The following PIGM variants were observed in gnomAD, a reference collection of about 807,000 sequenced individuals.
The protein encoded by PIGM is phosphatidylinositol glycan anchor biosynthesis class M, also known as GPI alpha-1,4-mannosyltransferase I, catalytic subunit.
A neutral mutation model predicts 14.6 loss-of-function variants in PIGM; 7 were observed. The observed-to-expected ratio is 0.48, with a 90% confidence interval of 0.27 to 0.90. PIGM has a LOEUF of 0.90. PIGM is among the 40% of genes least tolerant of loss of function. PIGM has a pLI of 0.12. For missense variants in PIGM, 506 were observed against 516.2 expected, an observed-to-expected ratio of 0.98 and a Z score of 0.19; for synonymous variants, 216 against 215.9, an observed-to-expected ratio of 1.00 and a Z score of 0.00.
Position 160,030,528 on chromosome 1 carries a change from C to T in PIGM, c.1212G>A (p.Leu404=). Residue 404 remains leucine (L), a synonymous_variant, in exon 1 of 1, where the codon CTG becomes CTA. Coordinates refer to ENST00000368090, the MANE Select transcript of PIGM (RefSeq NM_145167.3). ...LFFLLINCSI[L]IQIISHYKEE... is the part of the protein sequence containing the mutation. ...CTTTGTAATGGGAAATAATTTGAATCAGGATGGAACAATTGATAAGAAGAA... is the reference window on the plus strand; with the variant it reads ...CTTTGTAATGGGAAATAATTTGAATTAGGATGGAACAATTGATAAGAAGAA... The T allele has an allele frequency of 1.2e-6, 2 of 1,613,816 alleles. No homozygotes were observed. Among genetic ancestry groups the T allele is most frequent in the South Asian group, 1.1e-5 (1 of 91,036 alleles).
chr1:160,031,849 G>A lies in PIGM; in HGVS notation c.-110C>T. ...GGCCGCCGCATCTCCCACCCGCCAG[G>A]CTGCCAACCGAAACGACTGCAGACT... is the stretch of plus-strand genomic sequence containing the variant. On this transcript the variant is annotated 5_prime_UTR_variant, in exon 1 of 1. Transcript: ENST00000368090. 5 of 1,307,118 alleles carry A rather than the reference G, an allele frequency of 3.8e-6. No individual in the cohort carries two copies. Among genetic ancestry groups the A allele is most frequent in the South Asian group, 1.2e-5 (1 of 81,466 alleles). The allele number at this position is 1,307,118 out of a possible 1,614,324, so 81.0% of individuals were successfully genotyped here. A position where few individuals can be genotyped will look rare whatever the true frequency, so the allele number is the denominator to read the frequency against.
At position 160,031,178 on chromosome 1, in the gene PIGM, G is replaced by C; in HGVS notation, c.562C>G (p.Leu188Val). Reference protein sequence around the residue: ...HMKIYPVTYILPITLHLLPDR... With the variant: ...HMKIYPVTYIVPITLHLLPDR... The stretch of plus-strand genomic sequence containing the variant: ...GGAAGCAGGTGGAGGGTTATGGGAA[G>C]GATGTAAGTCACTGGATATATCTTC... The change falls in exon 1 of 1, where the codon CTT becomes GTT. Residue 188 changes from leucine (L) to valine (V), a missense_variant. Leu to Val is a conservative substitution (Grantham distance 32). Transcript: ENST00000368090. 1 of 1,614,174 alleles carries C rather than the reference G, an allele frequency of 6.2e-7. No homozygotes were observed. Among genetic ancestry groups the C allele is most frequent in the Non-Finnish European group, 8.5e-7 (1 of 1,180,036 alleles).
In PIGM at chr1:160,031,751, G is replaced by A. The variant is rs1310650110; in HGVS notation, c.-12C>T. On this transcript the variant is annotated 5_prime_UTR_variant, in exon 1 of 1. Coordinates refer to ENST00000368090, the MANE Select transcript of PIGM (RefSeq NM_145167.3). ...TTGGTGGAGCCCATGATCTGACCGT[G>A]CGACAGCTGCTTAGCCCCAGCTCCA... 2 of 1,613,850 alleles carry A rather than the reference G, an allele frequency of 1.2e-6. No individual in the cohort carries two copies. The highest frequency in any genetic ancestry group is 1.7e-6 in the Non-Finnish European group (2 of 1,180,026).
In PIGM at chr1:160,030,707, G is replaced by A; in HGVS notation, c.1033C>T (p.Leu345Phe). 1 of 1,614,134 alleles carries A rather than the reference G, an allele frequency of 6.2e-7. No individual in the cohort carries two copies. Reference sequence around the variant, plus strand: ...GGCATTCTGACTAGTGGCATCACAAGAGGCAGTAAGCAGAGGTACCAAAGA... The same window carrying A: ...GGCATTCTGACTAGTGGCATCACAAAAGGCAGTAAGCAGAGGTACCAAAGA... Reference protein sequence around the residue: ...YFLWYLCLLPLVMPLVRMPWK... With the variant: ...YFLWYLCLLPFVMPLVRMPWK... Residue 345 changes from leucine to phenylalanine, a missense_variant, in exon 1 of 1, where the codon CTT becomes TTT. Physicochemically the swap from Leu to Phe is conservative, Grantham distance 22 (BLOSUM62 0). Coordinates refer to ENST00000368090, the MANE Select transcript of PIGM (RefSeq NM_145167.3).
At position 160,030,522 on chromosome 1, in the gene PIGM, T is replaced by C; in HGVS notation, c.1218A>G (p.Gln406=). The change falls in exon 1 of 1, where the codon CAA becomes CAG. Residue 406 remains glutamine, a synonymous_variant. Transcript: ENST00000368090. ...GTTCTTCTTTGTAATGGGAAATAAT[T>C]TGAATCAGGATGGAACAATTGATAA... ...FLLINCSILI[Q]IISHYKEEPL... is the part of the protein sequence containing the mutation. 2 of 1,613,810 alleles carry C rather than the reference T, an allele frequency of 1.2e-6. No homozygotes were observed. The highest frequency in any genetic ancestry group is 1.7e-6 in the Non-Finnish European group (2 of 1,179,688).
Position 160,031,321 on chromosome 1 carries a change from A to C in PIGM, c.419T>G (p.Val140Gly), listed in dbSNP as rs761585642. Residue 140 changes from valine (V) to glycine (G), a missense_variant, in exon 1 of 1, where the codon GTA (valine) becomes GGA (glycine). Physicochemically the swap from Val to Gly is moderately radical, Grantham distance 109. Coordinates refer to ENST00000368090, the MANE Select transcript of PIGM (RefSeq NM_145167.3). ...FWLLNPLPMA[V>G]SSRGNADSIV... ...AGAGTCCGCATTACCGCGGCTGGAT[A>C]CTGCCATAGGCAGGGGGTTAAGAAG... 2 of 1,613,674 alleles carry C rather than the reference A, an allele frequency of 1.2e-6. No individual in the cohort carries two copies. The highest frequency in any genetic ancestry group is 1.7e-6 in the Non-Finnish European group (2 of 1,179,784).
rs1482695054 is a variant in PIGM at position 160,029,228 on chromosome 1, T to C, written c.*1240A>G. On this transcript the variant is annotated 3_prime_UTR_variant, in exon 1 of 1. Coordinates refer to ENST00000368090, the MANE Select transcript of PIGM (RefSeq NM_145167.3). ...ACCACAAACATTAAAGGCAAGATGA[T>C]AGTTTTAAAAATGTAATAACTCAAG... 1 of 152,162 alleles carries C rather than the reference T, an allele frequency of 6.6e-6. No homozygotes were observed. Among genetic ancestry groups the C allele is most frequent in the Non-Finnish European group, 1.5e-5 (1 of 68,034 alleles). 9.4% of individuals were successfully genotyped at this position (152,162 alleles called of 1,614,324 possible).
At position 160,031,214 on chromosome 1, in the gene PIGM, C is replaced by G. The variant is rs1262603255; in HGVS notation, c.526G>C (p.Ala176Pro). The change falls in exon 1 of 1, where the codon GCG (alanine) becomes CCG (proline). Residue 176 changes from alanine to proline, a missense_variant. Ala to Pro is a conservative substitution (Grantham distance 27). Transcript: ENST00000368090. ...VACAAVFYGF[A>P]VHMKIYPVTY... ...ACTGGATATATCTTCATATGCACCGCGAAACCATAGAATACAGCTGCACAC... is the reference window on the plus strand; with the variant it reads ...ACTGGATATATCTTCATATGCACCGGGAAACCATAGAATACAGCTGCACAC... 14 of 1,613,978 alleles carry G rather than the reference C, an allele frequency of 8.7e-6. No individual in the cohort carries two copies. The highest frequency in any genetic ancestry group is 1.2e-5 in the Non-Finnish European group (14 of 1,180,038).
In PIGM at chr1:160,027,990, A is replaced by C. The variant is rs1035298370; in HGVS notation, c.*2478T>G. Reference sequence around the variant, plus strand: ...TGTTTCTAACTTCTAAGAATGTCCTAAGAGAATGAGCTAAAACACAGAAAA... The same window carrying C: ...TGTTTCTAACTTCTAAGAATGTCCTCAGAGAATGAGCTAAAACACAGAAAA... On this transcript the variant is annotated 3_prime_UTR_variant, in exon 1 of 1. Transcript: ENST00000368090. 6 of 152,192 alleles carry C rather than the reference A, an allele frequency of 3.9e-5. No individual in the cohort carries two copies. Among genetic ancestry groups the C allele is most frequent in the Non-Finnish European group, 7.3e-5 (5 of 68,028 alleles). The allele number at this position is 152,192 out of a possible 1,614,324, so 9.4% of individuals were successfully genotyped here.
Position 160,031,174 on chromosome 1 carries a change from G to A in PIGM, c.566C>T (p.Pro189Leu), listed in dbSNP as rs372869108. The A allele has an allele frequency of 1.4e-5, 23 of 1,614,170 alleles. No homozygotes were observed. The highest frequency in any genetic ancestry group is 1.9e-5 in the Non-Finnish European group (23 of 1,180,024). ...ATCTGGAAGCAGGTGGAGGGTTATG[G>A]GAAGGATGTAAGTCACTGGATATAT... ...MKIYPVTYIL[P>L]ITLHLLPDRD... The change falls in exon 1 of 1, where the codon CCC (proline) becomes CTC (leucine). Residue 189 changes from proline to leucine, a missense_variant. Coordinates refer to ENST00000368090, the MANE Select transcript of PIGM (RefSeq NM_145167.3).
At position 160,030,233 on chromosome 1, in the gene PIGM, T is replaced by G; in HGVS notation, c.*235A>C. 1 of 475,606 alleles carries G rather than the reference T, an allele frequency of 2.1e-6. No individual in the cohort carries two copies. Among genetic ancestry groups the G allele is most frequent in the Non-Finnish European group, 3.8e-6 (1 of 259,934 alleles). The allele number at this position is 475,606 out of a possible 1,614,324, so 29.5% of individuals were successfully genotyped here. On this transcript the variant is annotated 3_prime_UTR_variant, in exon 1 of 1. Coordinates refer to ENST00000368090, the MANE Select transcript of PIGM (RefSeq NM_145167.3). ...ATCAGCCTTTCCATTTTCCAATATGTGACCTTTATTCCCACCATGTCCCAA... is the reference window on the plus strand; with the variant it reads ...ATCAGCCTTTCCATTTTCCAATATGGGACCTTTATTCCCACCATGTCCCAA...
rs980912142 is a variant in PIGM, at chr1:160,026,792, C to A, written c.*3676G>T. On this transcript the variant is annotated 3_prime_UTR_variant, in exon 1 of 1. Coordinates refer to ENST00000368090, the MANE Select transcript of PIGM (RefSeq NM_145167.3). Reference sequence around the variant, plus strand: ...AGTGAGCCATGTTTATACTACTGCACTCCAGCCTGGGTGACAAAGCAACAT... The same window carrying A: ...AGTGAGCCATGTTTATACTACTGCAATCCAGCCTGGGTGACAAAGCAACAT... The A allele has an allele frequency of 1.3e-5, 2 of 152,092 alleles. No individual in the cohort carries two copies. The highest frequency in any genetic ancestry group is 4.8e-5 in the African/African-American group (2 of 41,416). 9.4% of individuals were successfully genotyped at this position (152,092 alleles called of 1,614,324 possible). A position where few individuals can be genotyped will look rare whatever the true frequency, so the allele number is the denominator to read the frequency against.
In PIGM at chr1:160,030,551, G is replaced by GA; in HGVS notation, c.1188dup (p.Leu397SerfsTer27). ...ATCAGGATGGAACAATTGATAAGAA[G>GA]AAAGAACAAACCAGCTAACCAAATA... On this transcript the variant is annotated frameshift_variant, in exon 1 of 1. Coordinates refer to ENST00000368090, the MANE Select transcript of PIGM (RefSeq NM_145167.3). LOFTEE classifies it high-confidence loss of function. 1 of 1,613,982 alleles carries GA rather than the reference G, an allele frequency of 6.2e-7. No homozygotes were observed. The highest frequency in any genetic ancestry group is 8.5e-7 in the Non-Finnish European group (1 of 1,179,854).
chr1:160,031,619 G>C lies in PIGM; in HGVS notation c.121C>G (p.Arg41Gly), dbSNP rs1370444454. 6.2e-7 allele frequency: 1 copy of C among 1,614,110 alleles called. No homozygotes were observed. Among genetic ancestry groups the C allele is most frequent in the Non-Finnish European group, 8.5e-7 (1 of 1,180,016 alleles). ...ALVFYGVFQD[R>G]TLHVRYTDID... ...TCCGTATACCTCACGTGCAGGGTCC[G>C]GTCCTGGAAGACGCCATAGAAAACC... The change falls in exon 1 of 1, where the codon CGG becomes GGG. Residue 41 changes from arginine to glycine, a missense_variant. Transcript: ENST00000368090.
chr1:160,031,353 G>A lies in PIGM; in HGVS notation c.387C>T (p.Val129=). 2 of 1,608,844 alleles carry A rather than the reference G, an allele frequency of 1.2e-6. No individual in the cohort carries two copies. The highest frequency in any genetic ancestry group is 2.2e-5 in the South Asian group (2 of 90,776). ...TAGGCAGGGGGTTAAGAAGCCAAAAGACACAGTAGCCACAAGCCTGGCGGC... is the reference window on the plus strand; with the variant it reads ...TAGGCAGGGGGTTAAGAAGCCAAAAAACACAGTAGCCACAAGCCTGGCGGC... The part of the protein sequence containing the change: ...LGRRQACGYC[V]FWLLNPLPMA... The change falls in exon 1 of 1, where the codon GTC becomes GTT. Residue 129 remains valine (V), a synonymous_variant. Coordinates refer to ENST00000368090, the MANE Select transcript of PIGM (RefSeq NM_145167.3).
chr1:160,031,522 G>T lies in PIGM; in HGVS notation c.218C>A (p.Thr73Lys). The T allele has an allele frequency of 6.2e-7, 1 of 1,614,196 alleles. No individual in the cohort carries two copies. The highest frequency in any genetic ancestry group is 8.5e-7 in the Non-Finnish European group (1 of 1,180,032). ...ACCCAGCAGCGGGGTGTAACGGTAC[G>T]TGGCTCTCAGGTAAGGCGAGCGCCC... is the stretch of plus-strand genomic sequence containing the variant. Reference protein sequence around the residue: ...TEGRSPYLRATYRYTPLLGWL... With the variant: ...TEGRSPYLRAKYRYTPLLGWL... Residue 73 changes from threonine to lysine, a missense_variant, in exon 1 of 1, where the codon ACG (threonine) becomes AAG (lysine). Transcript: ENST00000368090.
In PIGM at chr1:160,028,828, G is replaced by A. The variant is rs549940586; in HGVS notation, c.*1640C>T. 1.3e-5 allele frequency: 2 copies of A among 151,916 alleles called. No homozygotes were observed. Among genetic ancestry groups the A allele is most frequent in the African/African-American group, 4.8e-5 (2 of 41,350 alleles). The allele number at this position is 151,916 out of a possible 1,614,324, so 9.4% of individuals were successfully genotyped here. A position where few individuals can be genotyped will look rare whatever the true frequency, so the allele number is the denominator to read the frequency against. On this transcript the variant is annotated 3_prime_UTR_variant, in exon 1 of 1. Coordinates refer to ENST00000368090, the MANE Select transcript of PIGM (RefSeq NM_145167.3). The stretch of plus-strand genomic sequence containing the variant: ...TAAGGATGCTTGTTTAAACAACTCA[G>A]AAAGCATTTTTCCCCCAGAAATATT...
Position 160,026,136 on chromosome 1 carries a change from A to C in PIGM, c.*4332T>G, listed in dbSNP as rs973136778. ...AGACAGAAAGTATGACACACAAAAG[A>C]ATTAATTTGTTCAACTTTGATGGAA... On this transcript the variant is annotated 3_prime_UTR_variant, in exon 1 of 1. Coordinates refer to ENST00000368090, the MANE Select transcript of PIGM (RefSeq NM_145167.3). 2 of 152,104 alleles carry C rather than the reference A, an allele frequency of 1.3e-5. No homozygotes were observed. Among genetic ancestry groups the C allele is most frequent in the East Asian group, 3.9e-4 (2 of 5,188 alleles). 9.4% of individuals were successfully genotyped at this position (152,104 alleles called of 1,614,324 possible). A position where few individuals can be genotyped will look rare whatever the true frequency, so the allele number is the denominator to read the frequency against.
rs1277844563 is a variant in PIGM, at chr1:160,025,019, T to C, written c.*5449A>G. 2 of 152,254 alleles carry C rather than the reference T, an allele frequency of 1.3e-5. No homozygotes were observed. Among genetic ancestry groups the C allele is most frequent in the East Asian group, 1.9e-4 (1 of 5,202 alleles). 9.4% of individuals were successfully genotyped at this position (152,254 alleles called of 1,614,324 possible). On this transcript the variant is annotated 3_prime_UTR_variant, in exon 1 of 1. Transcript: ENST00000368090. ...GTCAAGATGAGAATAAAGTTTATGA[T>C]CAAAGGTAGTCAAACATTTATTTTA...
Sources: allele counts gnomAD v4.1 joint callset, GRCh38; gene constraint gnomAD v4.1.1; transcripts MANE v1.5; gene names NCBI Gene and HGNC (gene_info 2026-07-23, HGNC 2026-07-21).